SPAG17: variants seen among roughly 807,000 people sequenced by gnomAD.
SPAG17 encodes the protein sperm associated antigen 17, also known as sperm-associated antigen 17.
Under a neutral mutation model 273.6 loss-of-function variants are expected in SPAG17, and 169 were observed. That is an observed-to-expected ratio of 0.62 (90% confidence interval 0.55 to 0.70). The LOEUF (loss-of-function observed/expected upper bound fraction) is 0.70. Among genes scored for constraint, SPAG17 ranks in the 30% least tolerant of loss-of-function variants. The probability of loss-of-function intolerance (pLI) is 0.00; values close to 1 mark genes in which losing one functional copy is unlikely to be tolerated. For missense variants in SPAG17, 2,557 were observed against 2,627.8 expected (o/e 0.97, Z 0.59); for synonymous variants, 825 against 873.2 (o/e 0.94, Z 0.97).
intron 46 of SPAG17, among the ~76,000 whole-genome samples, chr1:117,968,148 A>T (rs1309322927): frequency 6.6e-6 from 1 of 152,092 alleles, no homozygotes; most frequent in East Asian, 1.9e-4. Context: ...GTTGGCAACT[A>T]ACCAAGCTGA....
Position 117,953,770 on chromosome 1 carries a change from C to G in SPAG17, c.*280G>C. ...AGGTGTTCCTGGGACCTGCCCTATT[C>G]AGAGTGTCTAGATATCATCCCACCT... On this transcript the variant is annotated 3_prime_UTR_variant, in exon 49 of 49. Coordinates refer to ENST00000336338, the MANE Select transcript of SPAG17 (RefSeq NM_206996.4). The G allele has an allele frequency of 1.6e-6, 1 of 610,106 alleles. No homozygotes were observed. The highest frequency in any genetic ancestry group is 2.1e-5 in the South Asian group (1 of 47,974). The allele number at this position is 610,106 out of a possible 1,614,324, so 37.8% of individuals were successfully genotyped here.
chr1:117,988,868 T>C (rs551240479), intron 38 of SPAG17, among the ~76,000 whole-genome samples: 1 of 152,356 alleles, frequency 6.6e-6, no homozygotes, highest in Admixed American at 6.5e-5. Flanking sequence ...TGGAGTCTTC[T>C]CATAGATGAG....
rs183338974 is a variant in SPAG17, at chr1:118,055,635, C to A, written c.2722+98G>T. ...GTCACAGGAACTTTTTTGGGTAATT[C>A]TTTTTAATATTGAAAATATTCACAG... On this transcript the variant is annotated intron_variant, in intron 19 of 48. Coordinates refer to ENST00000336338, the MANE Select transcript of SPAG17 (RefSeq NM_206996.4). The A allele has an allele frequency of 6.2e-5, 67 of 1,076,952 alleles. No homozygotes were observed. The African/African-American group carries it at 1.0e-3, about 17-fold the overall frequency. 66.7% of individuals were successfully genotyped at this position (1,076,952 alleles called of 1,614,324 possible).
chr1:118,073,504 A>C (rs184804820), intron 17 of SPAG17, among the ~76,000 whole-genome samples: 24 of 152,338 alleles, frequency 1.6e-4, no homozygotes, highest in African/African-American at 5.8e-4. Context: ...AGTAGAATGG[A>C]TAAACAATAT....
At chr1:118,068,850 C>T (rs1653265977) in intron 17 of SPAG17, among the ~76,000 whole-genome samples, 1 of 152,152 alleles carries the variant, frequency 6.6e-6, no homozygotes, top group Admixed American at 6.5e-5. Context: ...AAAGCTTAGC[C>T]TCAAGCTATC....
intron 21 of SPAG17, 75 bp from the exon 22 acceptor site, chr1:118,040,916 TAA>T: frequency 1.0e-6 from 1 of 975,590 alleles, no homozygotes; most frequent in Admixed American, 1.9e-5. Flanking sequence ...GTTAGCCAAC[TAA>T]AGTTGCCAGA....
chr1:118,124,052 A>G (rs1006452758), intron 3 of SPAG17, among the ~76,000 whole-genome samples: 1 of 152,234 alleles, frequency 6.6e-6, no homozygotes, highest in African/African-American at 2.4e-5. Context: ...CTTCCTTTTT[A>G]TTAAGGAGTG....
chr1:118,018,728 G>T (rs992340016), intron 28 of SPAG17, among the ~76,000 whole-genome samples: 5 of 151,224 alleles, frequency 3.3e-5, no homozygotes, highest in Non-Finnish European at 5.9e-5. Context: ...GGTGATGCAA[G>T]CCAACTTTTC....
intron 12 of SPAG17, 53 bp downstream of exon 12, chr1:118,086,618 A>T (rs1655014193): frequency 6.8e-7 from 1 of 1,480,388 alleles, no homozygotes; most frequent in African/African-American, 1.4e-5. Flanking sequence ...CTGAATAGTT[A>T]TAAACACACT....
At chr1:117,976,486 T>G (rs1472065455) in intron 43 of SPAG17, among the ~76,000 whole-genome samples, 3 of 152,204 alleles carry the variant, frequency 2.0e-5, no homozygotes, top group Admixed American at 1.3e-4. Context: ...CTACGGCACT[T>G]GCTTTAACCA....
chr1:117,987,997 C>T, intron 39 of SPAG17, 108 bp downstream of exon 39: 1 of 1,428,888 alleles, frequency 7.0e-7, no homozygotes, highest in Non-Finnish European at 9.6e-7. Context: ...AGATGAAGGG[C>T]TGTGAATTCA....
chr1:118,022,305 T>A (rs1660576593), intron 28 of SPAG17, among the ~76,000 whole-genome samples: 1 of 152,084 alleles, frequency 6.6e-6, no homozygotes, highest in African/African-American at 2.4e-5. Context: ...AAATATCAGA[T>A]TTTTTTCCTG....
At chr1:118,152,851 G>A (rs935500601) in intron 1 of SPAG17, among the ~76,000 whole-genome samples, 1 of 152,200 alleles carries the variant, frequency 6.6e-6, no homozygotes. Flanking sequence ...TCTCTTGTCT[G>A]CTTCCTCAGT....
chr1:118,041,377 G>A (rs911273517), intron 21 of SPAG17, among the ~76,000 whole-genome samples: 1 of 151,630 alleles, frequency 6.6e-6, no homozygotes, highest in Non-Finnish European at 1.5e-5. Flanking sequence ...ACAGCTAGCT[G>A]AGAGAGAACT....
chr1:118,073,544 C>T (rs1467419720), intron 17 of SPAG17, among the ~76,000 whole-genome samples: 1 of 151,974 alleles, frequency 6.6e-6, no homozygotes, highest in African/African-American at 2.4e-5. Flanking sequence ...CCCAATAAAA[C>T]CTTACTTTGT....
intron 7 of SPAG17, among the ~76,000 whole-genome samples, chr1:118,096,803 C>T (rs1362872221): frequency 1.3e-5 from 2 of 152,224 alleles, no homozygotes; most frequent in African/African-American, 4.8e-5. Flanking sequence ...CTCTGTTTCA[C>T]GGTTTTAGTC....
Position 117,994,543 on chromosome 1 carries a change from A to G in SPAG17, c.5054-13T>C. 1 of 1,600,322 alleles carries G rather than the reference A, an allele frequency of 6.2e-7. No homozygotes were observed. The highest frequency in any genetic ancestry group is 1.7e-4 in the Middle Eastern group (1 of 5,968). ...ATGGTTAGGGTGCCTGGTTCAAAGA[A>G]AGTTGTCAGAAGACCATTACCCATT... On this transcript the variant is annotated splice_polypyrimidine_tract_variant and intron_variant, in intron 34 of 48. Coordinates refer to ENST00000336338, the MANE Select transcript of SPAG17 (RefSeq NM_206996.4).
In SPAG17 at chr1:118,081,215, C is replaced by A; in HGVS notation, c.2095G>T (p.Ala699Ser). The A allele has an allele frequency of 6.2e-7, 1 of 1,613,944 alleles. No homozygotes were observed. The highest frequency in any genetic ancestry group is 8.5e-7 in the Non-Finnish European group (1 of 1,179,938). ...REPSDPSQCDANNMKHSDLNN... is the reference protein window; with the variant it reads ...REPSDPSQCDSNNMKHSDLNN... ...AAGTCAGAATGCTTCATATTGTTAGCATCACACTGACTAGGATCTGAAGGT... is the reference window on the plus strand; with the variant it reads ...AAGTCAGAATGCTTCATATTGTTAGAATCACACTGACTAGGATCTGAAGGT... Residue 699 changes from alanine (A) to serine (S), a missense_variant, in exon 15 of 49, where the codon GCT (alanine) becomes TCT (serine). Physicochemically the swap from Ala to Ser is moderately conservative, Grantham distance 99. Coordinates refer to ENST00000336338, the MANE Select transcript of SPAG17 (RefSeq NM_206996.4).
chr1:118,114,376 T>C (rs567922181), intron 4 of SPAG17, among the ~76,000 whole-genome samples: 1 of 152,312 alleles, frequency 6.6e-6, no homozygotes, highest in East Asian at 1.9e-4. Flanking sequence ...TATTATTTTT[T>C]TCTACAATTA....
Sources: gnomAD v4.1 joint callset for allele counts (sites outside exome capture counted in the v4.1 genomes callset) on GRCh38, gnomAD v4.1.1 for gene constraint, MANE v1.5 for transcripts, NCBI Gene and HGNC (gene_info 2026-07-23, HGNC 2026-07-21) for gene names.